Variants in DDX46 observed in about 807,000 individuals in gnomAD.
DDX46 encodes the protein probable ATP-dependent RNA helicase DDX46.
In DDX46, 30 loss-of-function variants were observed where a neutral mutation model predicts 134.9. That is an observed-to-expected ratio of 0.22 (90% CI 0.17 to 0.30). DDX46 has a LOEUF of 0.30. Ranked by LOEUF, DDX46 falls within the 10% of genes least tolerant of loss-of-function variation. The pLI is 1.00. For missense variants in DDX46, 622 were observed against 1,248.7 expected (o/e 0.50, Z 7.56); for synonymous variants, 415 against 404.1 (o/e 1.03, Z -0.32).
intron 21 of DDX46, among the ~76,000 whole-genome samples, chr5:134,820,660 C>A (rs1360228660): frequency 6.6e-6 from 1 of 152,156 alleles, no homozygotes; most frequent in Non-Finnish European, 1.5e-5. Context: ...TTAGGACTTA[C>A]ATTGAGGTAA....
intron 21 of DDX46, chr5:134,826,327 C>T (rs369518749): frequency 6.6e-6 from 1 of 152,304 alleles, no homozygotes; most frequent in East Asian, 1.9e-4. Flanking sequence ...TGTCTGCAGC[C>T]TACCTCATCT....
chr5:134,767,183 A>G (rs1284181139), intron 3 of DDX46, 123 bp downstream of exon 3: 8 of 1,225,518 alleles, frequency 6.5e-6, no homozygotes, highest in Admixed American at 6.3e-5. Context: ...GGCTCCTACC[A>G]TGAACTGTTG....
chr5:134,809,369 TTTG>T (rs1235062398), intron 16 of DDX46, among the ~76,000 whole-genome samples: 2 of 152,088 alleles, frequency 1.3e-5, no homozygotes, highest in African/African-American at 2.4e-5. Context: ...TATTTCTGTT[TTTG>T]TTTTTGTTTT....
intron 15 of DDX46, 79 bp from the exon 16 acceptor site, chr5:134,807,669 C>A: frequency 7.6e-7 from 1 of 1,314,382 alleles, no homozygotes; most frequent in Middle Eastern, 2.6e-4. Flanking sequence ...ATTTGTTCTT[C>A]ACTGAGTTTA....
chr5:134,796,520 C>G (rs894058352), intron 15 of DDX46, among the ~76,000 whole-genome samples: 1 of 152,190 alleles, frequency 6.6e-6, no homozygotes, highest in African/African-American at 2.4e-5. Context: ...ATTGCTATCA[C>G]ATGCATGTAA....
intron 15 of DDX46, 67 bp downstream of exon 15, chr5:134,796,217 T>A (rs1754649280): frequency 6.6e-7 from 1 of 1,523,034 alleles, no homozygotes; most frequent in Non-Finnish European, 8.9e-7. Context: ...TGCTGTGTTC[T>A]CGATGATACT....
intron 1 of DDX46, 114 bp downstream of exon 1, chr5:134,759,069 G>A: frequency 6.7e-7 from 1 of 1,482,300 alleles, no homozygotes; most frequent in South Asian, 1.3e-5. Flanking sequence ...CGTGCGGTCA[G>A]CGCTGCCCCG....
Position 134,758,899 on chromosome 5 carries a change from C to T in DDX46, c.-40C>T. ...TCCTTGTTTGTCCGGTTCGCCTGTGCGTGGTACTCAAGGGCACCAGTATTC... is the reference window on the plus strand; with the variant it reads ...TCCTTGTTTGTCCGGTTCGCCTGTGTGTGGTACTCAAGGGCACCAGTATTC... On this transcript the variant is annotated 5_prime_UTR_variant, in exon 1 of 23. Transcript: ENST00000452510. The T allele has an allele frequency of 6.2e-7, 1 of 1,613,586 alleles. No individual in the cohort carries two copies. Among genetic ancestry groups the T allele is most frequent in the South Asian group, 1.1e-5 (1 of 91,072 alleles).
At chr5:134,791,563 A>G (rs1229197824) in intron 13 of DDX46, among the ~76,000 whole-genome samples, 1 of 151,780 alleles carries the variant, frequency 6.6e-6, no homozygotes, top group East Asian at 1.9e-4. Context: ...TCCGTCTCAA[A>G]AAAAAAAAAA....
At chr5:134,826,242 A>G (rs1285054222) in intron 21 of DDX46, 1 of 152,154 alleles carries the variant, frequency 6.6e-6, no homozygotes, top group African/African-American at 2.4e-5. Flanking sequence ...TGAATTTGTT[A>G]TTTATATGTT....
At chr5:134,803,791 T>C (rs1754902220) in intron 15 of DDX46, among the ~76,000 whole-genome samples, 1 of 152,176 alleles carries the variant, frequency 6.6e-6, no homozygotes, top group Admixed American at 6.5e-5. Context: ...TTTTATATAG[T>C]AAGGAAGTTG....
chr5:134,761,425 T>C (rs1457574285), intron 1 of DDX46, among the ~76,000 whole-genome samples: 1 of 152,156 alleles, frequency 6.6e-6, no homozygotes, highest in Non-Finnish European at 1.5e-5. Flanking sequence ...CGATTAATCG[T>C]TTGGGGAGGG....
intron 21 of DDX46, among the ~76,000 whole-genome samples, chr5:134,819,275 A>G (rs942874808): frequency 3.3e-5 from 5 of 152,238 alleles, no homozygotes; most frequent in African/African-American, 7.2e-5. Context: ...TGACCTGTTT[A>G]TGCTTCTAGT....
intron 12 of DDX46, 47 bp downstream of exon 12, chr5:134,788,638 A>C: frequency 1.3e-6 from 2 of 1,540,038 alleles, no homozygotes; most frequent in Non-Finnish European, 1.8e-6. Flanking sequence ...TGAATTCTTT[A>C]CTTTTTTTTG....
intron 14 of DDX46, among the ~76,000 whole-genome samples, chr5:134,795,217 T>TG (rs1016429625): frequency 3.4e-5 from 5 of 147,434 alleles, no homozygotes; most frequent in African/African-American, 1.3e-4. Flanking sequence ...TTTTTTTTTT[T>TG]TTGTTTTTTT....
chr5:134,795,108 A>C lies in DDX46; in HGVS notation c.1791+94A>C. On this transcript the variant is annotated intron_variant, in intron 14 of 22. Coordinates refer to ENST00000452510, the MANE Select transcript of DDX46 (RefSeq NM_001300860.2). ...TCACTGTTTGTGAGGTAGGCAAGGT[A>C]ATTTCTAAAATCAAGTCGTATACCA... 5.5e-6 allele frequency: 8 copies of C among 1,459,778 alleles called. No individual in the cohort carries two copies. In the South Asian group the frequency reaches 1.1e-4, roughly 19 times the overall value. The allele number at this position is 1,459,778 out of a possible 1,614,324, so 90.4% of individuals were successfully genotyped here. A position where few individuals can be genotyped will look rare whatever the true frequency, so the allele number is the denominator to read the frequency against.
At chr5:134,768,633 A>T (rs1187799087) in intron 3 of DDX46, among the ~76,000 whole-genome samples, 1 of 151,192 alleles carries the variant, frequency 6.6e-6, no homozygotes, top group Non-Finnish European at 1.5e-5. Flanking sequence ...AGCACCAATT[A>T]TAAAGGAGAA....
chr5:134,765,691 C>T (rs938512722), intron 2 of DDX46, among the ~76,000 whole-genome samples: 2 of 152,128 alleles, frequency 1.3e-5, no homozygotes, highest in African/African-American at 4.8e-5. Flanking sequence ...AGATACCATA[C>T]CTTGCCCAGT....
At position 134,809,262 on chromosome 5, in the gene DDX46, A is replaced by G. The variant is rs115245046; in HGVS notation, c.2148+1321A>G. ...CTCCTTCTCTGTATATATATGTGTT[A>G]TTGTATATATGTTCATAACCCTATA... On this transcript the variant is annotated intron_variant, in intron 16 of 22. Transcript: ENST00000452510. Among the ~76,000 whole-genome samples, 1,121 of 152,258 alleles carry G rather than the reference A, an allele frequency of 7.4e-3. 12 individuals are homozygous for G. Among genetic ancestry groups the G allele is most frequent in the African/African-American group, 0.026 (1,066 of 41,558 alleles).
Sources: gnomAD v4.1 joint callset for allele counts (sites outside exome capture counted in the v4.1 genomes callset) on GRCh38, gnomAD v4.1.1 for gene constraint, MANE v1.5 for transcripts, NCBI Gene and HGNC (gene_info 2026-07-23, HGNC 2026-07-21) for gene names.